HERC3: variants seen among roughly 807,000 people sequenced by gnomAD.
HERC3 encodes the protein probable E3 ubiquitin-protein ligase HERC3.
In HERC3, 58 loss-of-function variants were observed where a neutral mutation model predicts 129.9. The ratio of observed to expected loss-of-function variants is 0.45; its 90% CI spans 0.36 to 0.56. The LOEUF is 0.56. Among genes scored for constraint, HERC3 ranks in the 20% least tolerant of loss-of-function variants. The probability of loss-of-function intolerance (pLI) is 0.00; values close to 1 mark genes in which losing one functional copy is unlikely to be tolerated. For missense variants in HERC3, 835 were observed against 1,244.2 expected, an observed-to-expected ratio of 0.67 and a Z score of 4.95; for synonymous variants, 430 against 451.0, an observed-to-expected ratio of 0.95 and a Z score of 0.59.
chr4:88,563,432 C>T, the HERC3 span, among the ~76,000 whole-genome samples: 1 of 152,266 alleles, frequency 6.6e-6, no homozygotes, highest in South Asian at 2.1e-4. Context: ...ATTACAAGAT[C>T]ATGTGATCTG....
intron 23 of HERC3, among the ~76,000 whole-genome samples, chr4:88,692,617 C>T (rs1400457760): frequency 6.6e-6 from 1 of 152,278 alleles, no homozygotes; most frequent in African/African-American, 2.4e-5. Flanking sequence ...ACAGGAACTG[C>T]AGAATTAAAA....
At chr4:88,525,030 A>ATTTT in the HERC3 span, 5 of 138,138 alleles carry the variant, frequency 3.6e-5, no homozygotes, top group African/African-American at 5.5e-5. Context: ...TTTTTTTTAA[A>ATTTT]AAAAACAGTT....
chr4:88,554,755 G>A, the HERC3 span, among the ~76,000 whole-genome samples: 1 of 152,166 alleles, frequency 6.6e-6, no homozygotes, highest in Non-Finnish European at 1.5e-5. Context: ...AGCTCCATGG[G>A]TAGAGTCAGA....
chr4:88,537,887 G>A, the HERC3 span, among the ~76,000 whole-genome samples: 7 of 152,218 alleles, frequency 4.6e-5, no homozygotes, highest in African/African-American at 1.7e-4. Context: ...GATGAAGCTC[G>A]AATAGCAGCA....
At chr4:88,583,204 G>A in the HERC3 span, among the ~76,000 whole-genome samples, 515 of 152,094 alleles carry the variant, frequency 3.4e-3, 3 homozygotes, top group Middle Eastern at 0.014. Context: ...TGGGGAGGCC[G>A]AGGTGGGTGG....
chr4:88,571,298 C>A, the HERC3 span, among the ~76,000 whole-genome samples: 2 of 152,148 alleles, frequency 1.3e-5, no homozygotes, highest in Non-Finnish European at 2.9e-5. Context: ...AACTAGTAAA[C>A]AAGTCATCTG....
At chr4:88,596,813 A>G (rs1722447395) in intron 2 of HERC3, among the ~76,000 whole-genome samples, 3 of 152,188 alleles carry the variant, frequency 2.0e-5, no homozygotes, top group Non-Finnish European at 2.9e-5. Context: ...TGCCTCCACA[A>G]TCATTACCCG....
At position 88,668,032 on chromosome 4, in the gene HERC3, C is replaced by T; in HGVS notation, c.1584C>T (p.Pro528=). The change falls in exon 14 of 26, where the codon CCC becomes CCT. Residue 528 remains proline (P), a synonymous_variant. Transcript: ENST00000402738. The part of the protein sequence containing the change: ...DSKYYITLTI[P]LAMAILRLDT... ...AGTATTATATAACATTGACTATTCC[C>T]TTGGCTATGGCCATTCTTCGGCTGG... The T allele has an allele frequency of 6.2e-7, 1 of 1,613,718 alleles. No homozygotes were observed. The highest frequency in any genetic ancestry group is 8.5e-7 in the Non-Finnish European group (1 of 1,179,710).
intron 3 of HERC3, among the ~76,000 whole-genome samples, chr4:88,648,193 C>CT (rs1468596129): frequency 6.6e-6 from 1 of 152,128 alleles, no homozygotes; most frequent in African/African-American, 2.4e-5. Context: ...CTCTAAAACT[C>CT]TTTAAGTAGT....
chr4:88,536,620 A>G, the HERC3 span, among the ~76,000 whole-genome samples: 3 of 152,206 alleles, frequency 2.0e-5, no homozygotes, highest in Non-Finnish European at 4.4e-5. Context: ...GGCACATAGT[A>G]TATGTTTAAT....
At chr4:88,545,430 C>CCTTTTTTTT in the HERC3 span, among the ~76,000 whole-genome samples, 36 of 110,386 alleles carry the variant, frequency 3.3e-4, 3 homozygotes, top group East Asian at 4.7e-3. Context: ...TTTGAGAATT[C>CCTTTTTTTT]TTTTTTTTTT....
the HERC3 span, among the ~76,000 whole-genome samples, chr4:88,525,912 T>C: frequency 1.3e-5 from 2 of 152,226 alleles, no homozygotes; most frequent in Non-Finnish European, 2.9e-5. Flanking sequence ...GACTGACCTT[T>C]CGTGTCACAT....
chr4:88,529,919 C>A, the HERC3 span, among the ~76,000 whole-genome samples: 365 of 152,078 alleles, frequency 2.4e-3, 2 homozygotes, highest in Non-Finnish European at 4.6e-3. Context: ...ACTATTGATT[C>A]GGTTCAGTAA....
At chr4:88,606,345 A>G (rs1215527905) in intron 3 of HERC3, among the ~76,000 whole-genome samples, 4 of 148,824 alleles carry the variant, frequency 2.7e-5, no homozygotes, top group African/African-American at 7.5e-5. Flanking sequence ...TCCACCTCCC[A>G]GGTTCAGGCA....
chr4:88,607,913 A>T (rs1291265137), intron 3 of HERC3, among the ~76,000 whole-genome samples: 1 of 152,154 alleles, frequency 6.6e-6, no homozygotes, highest in East Asian at 1.9e-4. Context: ...GTGACCACAT[A>T]TTTGTCACAC....
intron 23 of HERC3, chr4:88,690,170 T>C (rs1733927137): frequency 8.1e-6 from 8 of 985,052 alleles, no homozygotes; most frequent in Non-Finnish European, 9.6e-6. Flanking sequence ...CTCTTGGGGC[T>C]AAAAGCAGTT....
chr4:88,703,122 A>T (rs1247710550), intron 23 of HERC3, among the ~76,000 whole-genome samples: 6 of 152,126 alleles, frequency 3.9e-5, no homozygotes, highest in Non-Finnish European at 5.9e-5. Flanking sequence ...CCTACTTCCA[A>T]CTTAGGGCCA....
chr4:88,671,944 AT>A (rs1411211629), intron 16 of HERC3, among the ~76,000 whole-genome samples: 4 of 152,258 alleles, frequency 2.6e-5, no homozygotes, highest in Non-Finnish European at 5.9e-5. Flanking sequence ...TTATTAAAAA[AT>A]AAGCCCTTCT....
chr4:88,604,453 CCT>C (rs1425416968), intron 2 of HERC3, among the ~76,000 whole-genome samples: 2 of 152,150 alleles, frequency 1.3e-5, no homozygotes, highest in Non-Finnish European at 2.9e-5. Context: ...TCTCCATTCT[CCT>C]CTTTCCCTCC....
Sources: gnomAD v4.1 joint callset for allele counts (sites outside exome capture counted in the v4.1 genomes callset) on GRCh38, gnomAD v4.1.1 for gene constraint, MANE v1.5 for transcripts, NCBI Gene and HGNC (gene_info 2026-07-23, HGNC 2026-07-21) for gene names.